The following HSPH1 variants were observed in gnomAD, a reference collection of about 807,000 sequenced individuals.
The protein encoded by HSPH1 is heat shock protein 105 kDa.
In HSPH1, 40 loss-of-function variants were observed where a neutral mutation model predicts 100.0. The ratio of observed to expected loss-of-function variants is 0.40; its 90% CI spans 0.31 to 0.52. The LOEUF is 0.52. HSPH1 is among the 20% of genes least tolerant of loss of function. The pLI, the probability that HSPH1 is intolerant of heterozygous loss-of-function variation, is 0.54. For synonymous variants in HSPH1, 403 were observed against 344.0 expected, an observed-to-expected ratio of 1.17 and a Z score of -1.90; for missense variants, 876 against 1,015.1, an observed-to-expected ratio of 0.86 and a Z score of 1.86.
intron 17 of HSPH1, 135 bp downstream of exon 17, chr13:31,138,272 T>C (rs1955956816): frequency 1.3e-6 from 1 of 784,806 alleles, no homozygotes; most frequent in Non-Finnish European, 2.2e-6. Flanking sequence ...GACAGAATAA[T>C]AGACTAAGAA....
At chr13:31,153,047 G>T in intron 4 of HSPH1, 96 bp from the exon 5 acceptor site, 1 of 809,658 alleles carries the variant, frequency 1.2e-6, no homozygotes, top group Non-Finnish European at 2.0e-6. Flanking sequence ...GTCCAGCTAA[G>T]TAGGTGCCTC....
At chr13:31,160,923 T>G (rs1223117373) in intron 1 of HSPH1, among the ~76,000 whole-genome samples, 3 of 152,216 alleles carry the variant, frequency 2.0e-5, no homozygotes, top group Non-Finnish European at 1.5e-5. Context: ...ACAATCCGCC[T>G]GCTCACTGGA....
intron 1 of HSPH1, among the ~76,000 whole-genome samples, chr13:31,160,856 AC>A (rs1956875568): frequency 6.6e-6 from 1 of 152,182 alleles, no homozygotes; most frequent in East Asian, 1.9e-4. Context: ...CAACGAAGAG[AC>A]TGGGTAAAAA....
Position 31,136,490 on chromosome 13 carries a change from G to A in HSPH1, c.*828C>T, listed in dbSNP as rs1955886576. The A allele has an allele frequency of 6.6e-6, 1 of 151,944 alleles. No individual in the cohort carries two copies. The highest frequency in any genetic ancestry group is 2.4e-5 in the African/African-American group (1 of 41,326). The allele number at this position is 151,944 out of a possible 1,614,324, so 9.4% of individuals were successfully genotyped here. On this transcript the variant is annotated 3_prime_UTR_variant, in exon 18 of 18. Transcript: ENST00000320027. ...ATAAACATATGCTATTTTTCTGTCA[G>A]GAGAAAAACATTTTCACTTAGAAAA...
chr13:31,156,437 GC>G (rs1397413147), intron 2 of HSPH1, among the ~76,000 whole-genome samples: 1 of 151,962 alleles, frequency 6.6e-6, no homozygotes, highest in African/African-American at 2.4e-5. Flanking sequence ...GGCAGCACAT[GC>G]CTGTAATCCC....
chr13:31,155,316 T>A (rs959330383), intron 3 of HSPH1, among the ~76,000 whole-genome samples, 198 bp downstream of exon 3: 2 of 152,190 alleles, frequency 1.3e-5, no homozygotes, highest in African/African-American at 4.8e-5. Context: ...CAAATTAAGT[T>A]ATAGCATATA....
chr13:31,140,147 G>C, intron 14 of HSPH1, 37 bp downstream of exon 14: 1 of 1,579,074 alleles, frequency 6.3e-7, no homozygotes, highest in Non-Finnish European at 8.6e-7. Flanking sequence ...CACTTCATAT[G>C]AGACTATCTG....
chr13:31,139,513 T>C (rs1177419506), intron 14 of HSPH1, among the ~76,000 whole-genome samples: 2 of 152,022 alleles, frequency 1.3e-5, no homozygotes, highest in Non-Finnish European at 2.9e-5. Flanking sequence ...CCTACCTGGT[T>C]CGGTCATCTC....
intron 12 of HSPH1, among the ~76,000 whole-genome samples, chr13:31,143,345 C>A (rs1956164371): frequency 6.6e-6 from 1 of 152,060 alleles, no homozygotes; most frequent in South Asian, 2.1e-4. Flanking sequence ...ATTACCAGAT[C>A]ACCATAATTA....
rs779835850 is a variant in HSPH1, at chr13:31,140,238, C to T, written c.1926G>A (p.Val642=). The T allele has an allele frequency of 1.9e-6, 3 of 1,611,714 alleles. No individual in the cohort carries two copies. Among genetic ancestry groups the T allele is most frequent in the Non-Finnish European group, 2.5e-6 (3 of 1,178,528 alleles). The change falls in exon 14 of 18, where the codon GTG becomes GTA. Residue 642 remains valine, a synonymous_variant. Coordinates refer to ENST00000320027, the MANE Select transcript of HSPH1 (RefSeq NM_006644.4). ...CACACAGCTTGTCTCTGAACTCATA[C>T]ACATATTCCTCAACTGCATTTTTAG... ...NDAKNAVEEY[V]YEFRDKLCGP... is the part of the protein sequence containing the mutation.
Position 31,135,497 on chromosome 13 carries a change from T to C in HSPH1, c.*1821A>G, listed in dbSNP as rs1955862649. On this transcript the variant is annotated 3_prime_UTR_variant, in exon 18 of 18. Coordinates refer to ENST00000320027, the MANE Select transcript of HSPH1 (RefSeq NM_006644.4). ...AGCTAGAAATTATAAAGTAGGGAAA[T>C]GTTGAATAGCTGACATAAAGATTCT... The C allele has an allele frequency of 6.6e-6, 1 of 152,190 alleles. No individual in the cohort carries two copies. 9.4% of individuals were successfully genotyped at this position (152,190 alleles called of 1,614,324 possible). A position where few individuals can be genotyped will look rare whatever the true frequency, so the allele number is the denominator to read the frequency against.
chr13:31,142,458 C>T (rs2137554320), intron 12 of HSPH1, among the ~76,000 whole-genome samples: 1 of 152,134 alleles, frequency 6.6e-6, no homozygotes, highest in South Asian at 2.1e-4. Context: ...ATTATGCATG[C>T]TCTGAGGGCA....
Position 31,151,049 on chromosome 13 carries a change from T to C in HSPH1, c.806A>G (p.Glu269Gly). ...CATTAGCTTTTTCAGTTTTTCACAT[T>C]CCTGATACAGACGTAGGAGTGCTCG... ...KIRALLRLYQ[E>G]CEKLKKLMSS... The change falls in exon 7 of 18, where the codon GAA becomes GGA. Residue 269 changes from glutamate (E) to glycine (G), a missense_variant. Coordinates refer to ENST00000320027, the MANE Select transcript of HSPH1 (RefSeq NM_006644.4). 1 of 1,613,902 alleles carries C rather than the reference T, an allele frequency of 6.2e-7. No individual in the cohort carries two copies. Among genetic ancestry groups the C allele is most frequent in the Non-Finnish European group, 8.5e-7 (1 of 1,179,844 alleles).
At chr13:31,141,400 C>G (rs868240685) in intron 12 of HSPH1, 141 bp from the exon 13 acceptor site, 2 of 629,058 alleles carry the variant, frequency 3.2e-6, no homozygotes, top group Middle Eastern at 8.7e-4. Flanking sequence ...TCTACAGGAT[C>G]ACCTAATTCC....
rs80291606 is a variant in HSPH1 at position 31,136,012 on chromosome 13, A to G, written c.*1306T>C. On this transcript the variant is annotated 3_prime_UTR_variant, in exon 18 of 18. Transcript: ENST00000320027. ...AACATAGCGAAACCCCAGCTCTACC[A>G]AAAAAAAAAAAAGAATAAACTGTTG... The G allele has an allele frequency of 1.4e-5, 2 of 141,472 alleles. No homozygotes were observed. The highest frequency in any genetic ancestry group is 2.1e-4 in the East Asian group (1 of 4,728). The allele number at this position is 141,472 out of a possible 1,614,324, so 8.8% of individuals were successfully genotyped here.
At chr13:31,153,388 A>G (rs1484052028) in intron 4 of HSPH1, among the ~76,000 whole-genome samples, 3 of 152,222 alleles carry the variant, frequency 2.0e-5, no homozygotes, top group African/African-American at 7.2e-5. Flanking sequence ...AGGAACTTAA[A>G]GAGCTAATTC....
chr13:31,152,223 C>G (rs1442581786), intron 5 of HSPH1: 1 of 152,356 alleles, frequency 6.6e-6, no homozygotes, highest in Non-Finnish European at 1.5e-5. Flanking sequence ...ACATGTATAC[C>G]TAAAAACATA....
At chr13:31,156,349 C>T (rs1956691714) in intron 2 of HSPH1, among the ~76,000 whole-genome samples, 1 of 151,954 alleles carries the variant, frequency 6.6e-6, no homozygotes, top group African/African-American at 2.4e-5. Flanking sequence ...AAGATCGTGT[C>T]ACTGCACTCC....
At chr13:31,138,727 A>T in intron 16 of HSPH1, 54 bp downstream of exon 16, 1 of 1,569,824 alleles carries the variant, frequency 6.4e-7, no homozygotes, top group Non-Finnish European at 8.6e-7. Flanking sequence ...CTTAAGTGTT[A>T]GCTTATTAAA....
Sources: allele counts gnomAD v4.1 joint callset (sites outside exome capture counted in the v4.1 genomes callset), GRCh38; gene constraint gnomAD v4.1.1; transcripts MANE v1.5; gene names NCBI Gene and HGNC (gene_info 2026-07-23, HGNC 2026-07-21).